NCKAP5: variants seen among roughly 807,000 people sequenced by gnomAD.
NCKAP5 encodes the protein NCK associated protein 5.
In NCKAP5, 92 loss-of-function variants were observed where a neutral mutation model predicts 167.0. That is an observed-to-expected ratio of 0.55 (90% CI 0.47 to 0.66). The LOEUF is 0.66. NCKAP5 is among the 30% of genes least tolerant of loss of function. The pLI is 0.00. For missense variants in NCKAP5, 2,378 were observed against 2,315.0 expected (o/e 1.03, Z -0.56); for synonymous variants, 891 against 877.4 (o/e 1.02, Z -0.27).
At chr2:133,024,057 A>G (rs1005225607) in intron 6 of NCKAP5, among the ~76,000 whole-genome samples, 3 of 152,226 alleles carry the variant, frequency 2.0e-5, no homozygotes, top group Non-Finnish European at 4.4e-5. Context: ...TAAACTATAT[A>G]AAAACATTAA....
At chr2:133,110,029 C>G (rs1327709057) in intron 6 of NCKAP5, among the ~76,000 whole-genome samples, 2 of 152,200 alleles carry the variant, frequency 1.3e-5, no homozygotes, top group Non-Finnish European at 2.9e-5. Context: ...AAGAGCAAAG[C>G]ACATTACTCA....
chr2:133,344,982 A>G lies in NCKAP5; in HGVS notation c.70-41872T>C, dbSNP rs75342731. On this transcript the variant is annotated intron_variant, in intron 3 of 19. Transcript: ENST00000409261. Reference sequence around the variant, plus strand: ...TGGAAGTCATCCAAATATCGATTTCAGTGACTATGCCCTCAGTGCGTCATT... The same window carrying G: ...TGGAAGTCATCCAAATATCGATTTCGGTGACTATGCCCTCAGTGCGTCATT... 2.2e-3 allele frequency among the ~76,000 whole-genome samples: 330 copies of G among 152,252 alleles called. 3 individuals are homozygous for G. The highest frequency in any genetic ancestry group is 7.0e-3 in the African/African-American group (292 of 41,554).
the NCKAP5 span, among the ~76,000 whole-genome samples, chr2:133,620,544 C>T: frequency 0.26 from 40,102 of 151,872 alleles, 8,188 homozygotes; most frequent in African/African-American, 0.55. Context: ...TATATAGTGA[C>T]AAAGGACTAG....
chr2:133,280,755 C>A (rs114034197), intron 4 of NCKAP5, among the ~76,000 whole-genome samples: 2 of 152,084 alleles, frequency 1.3e-5, no homozygotes, highest in Admixed American at 6.5e-5. Context: ...ATGTAAATAG[C>A]GCTTTATTGG....
intron 3 of NCKAP5, among the ~76,000 whole-genome samples, chr2:133,319,657 A>G (rs1681891414): frequency 6.6e-6 from 1 of 152,180 alleles, no homozygotes; most frequent in East Asian, 1.9e-4. Context: ...ACCAGTGGAT[A>G]GTAATTTAAC....
At chr2:132,932,098 T>C (rs1346124671) in intron 8 of NCKAP5, among the ~76,000 whole-genome samples, 1 of 152,204 alleles carries the variant, frequency 6.6e-6, no homozygotes, top group Non-Finnish European at 1.5e-5. Flanking sequence ...CTATTACAAT[T>C]GTATGCAACT....
chr2:132,678,218 A>G (rs373039115), intron 19 of NCKAP5, among the ~76,000 whole-genome samples: 11 of 152,222 alleles, frequency 7.2e-5, no homozygotes, highest in East Asian at 3.8e-4. Context: ...TTATGTGTGT[A>G]CAGCCAGAAA....
At chr2:133,028,513 G>T (rs982656199) in intron 6 of NCKAP5, among the ~76,000 whole-genome samples, 1 of 152,108 alleles carries the variant, frequency 6.6e-6, no homozygotes, top group African/African-American at 2.4e-5. Flanking sequence ...TCCTCTTGCT[G>T]CATTGCTATG....
chr2:132,801,582 G>T (rs1264523863), intron 11 of NCKAP5, among the ~76,000 whole-genome samples: 1 of 152,172 alleles, frequency 6.6e-6, no homozygotes, highest in Non-Finnish European at 1.5e-5. Context: ...TTAGGGGATT[G>T]TGTGAAGAGC....
At chr2:133,344,939 T>C (rs1401028441) in intron 3 of NCKAP5, among the ~76,000 whole-genome samples, 2 of 151,992 alleles carry the variant, frequency 1.3e-5, no homozygotes, top group African/African-American at 4.8e-5. Context: ...GGGATGAAGA[T>C]ATATGAAGAT....
At chr2:133,008,937 C>T (rs1248741561) in intron 6 of NCKAP5, among the ~76,000 whole-genome samples, 2 of 152,158 alleles carry the variant, frequency 1.3e-5, no homozygotes, top group Non-Finnish European at 2.9e-5. Flanking sequence ...GATTCCTTCT[C>T]TTCTCCCCTT....
chr2:133,288,133 T>A (rs1679293941), intron 4 of NCKAP5, among the ~76,000 whole-genome samples: 1 of 152,172 alleles, frequency 6.6e-6, no homozygotes, highest in South Asian at 2.1e-4. Context: ...GGATAACCAA[T>A]TCTTTTTTTT....
chr2:133,621,769 C>T, the NCKAP5 span, among the ~76,000 whole-genome samples: 1 of 152,092 alleles, frequency 6.6e-6, no homozygotes. Context: ...AGAGAATCCT[C>T]CCTAAATCAT....
At chr2:133,531,520 G>A (rs1007997383) in intron 2 of NCKAP5, among the ~76,000 whole-genome samples, 1 of 151,240 alleles carries the variant, frequency 6.6e-6, no homozygotes, top group African/African-American at 2.4e-5. Context: ...TTTTCTACTG[G>A]ATTTTTTTAC....
intron 6 of NCKAP5, among the ~76,000 whole-genome samples, chr2:133,127,055 G>A (rs2082426152): frequency 6.6e-6 from 1 of 151,388 alleles, no homozygotes; most frequent in African/African-American, 2.4e-5. Flanking sequence ...ATTGGCCCAA[G>A]AGAAAAAAAG....
At chr2:133,043,762 T>A (rs1042001999) in intron 6 of NCKAP5, among the ~76,000 whole-genome samples, 1 of 152,112 alleles carries the variant, frequency 6.6e-6, no homozygotes, top group Non-Finnish European at 1.5e-5. Context: ...CTTTTCCCCA[T>A]CCGTCATGAG....
Position 132,973,592 on chromosome 2 carries a change from C to A in NCKAP5, c.430-9723G>T, listed in dbSNP as rs149424726. Among the ~76,000 whole-genome samples, 588 of 152,264 alleles carry A rather than the reference C, an allele frequency of 3.9e-3. 3 individuals carry two copies. Among genetic ancestry groups the A allele is most frequent in the Middle Eastern group, 0.031 (9 of 292 alleles). ...CCTTGAGAAATAAATACTTAAAACA[C>A]TGCTGAAGTTCAGGGGTTTTTAATA... is the stretch of plus-strand genomic sequence containing the variant. On this transcript the variant is annotated intron_variant, in intron 7 of 19. Coordinates refer to ENST00000409261, the MANE Select transcript of NCKAP5 (RefSeq NM_207363.3).
chr2:132,749,176 G>GT (rs1374017999), intron 16 of NCKAP5, among the ~76,000 whole-genome samples: 2 of 151,980 alleles, frequency 1.3e-5, no homozygotes, highest in South Asian at 2.1e-4. Context: ...GTGTGATATA[G>GT]TTTTTTCTTT....
intron 6 of NCKAP5, 116 bp downstream of exon 6, chr2:133,129,862 G>A (rs1340413336): frequency 8.2e-7 from 1 of 1,223,016 alleles, no homozygotes; most frequent in Non-Finnish European, 1.1e-6. Flanking sequence ...TAAATGGTTG[G>A]TAAATTAGCT....
Sources: allele counts gnomAD v4.1 joint callset (sites outside exome capture counted in the v4.1 genomes callset), GRCh38; gene constraint gnomAD v4.1.1; transcripts MANE v1.5; gene names NCBI Gene and HGNC (gene_info 2026-07-23, HGNC 2026-07-21).